Variants in CSMD3 observed in about 807,000 individuals in gnomAD.
CSMD3 encodes the protein CUB and Sushi multiple domains 3, also known as CUB and sushi domain-containing protein 3.
In CSMD3, 177 loss-of-function variants were observed where a neutral mutation model predicts 435.2. That is an observed-to-expected ratio of 0.41 (90% CI 0.36 to 0.46). The LOEUF (loss-of-function observed/expected upper bound fraction) is 0.46. Among genes scored for constraint, CSMD3 ranks in the 20% least tolerant of loss-of-function variants. The pLI is 0.34. For missense variants in CSMD3, 4,265 were observed against 4,504.6 expected (o/e 0.95, Z 1.52); for synonymous variants, 1,656 against 1,520.5 (o/e 1.09, Z -2.07).
chr8:113,330,346 T>C (rs983685025), intron 1 of CSMD3, among the ~76,000 whole-genome samples: 1 of 151,406 alleles, frequency 6.6e-6, no homozygotes, highest in African/African-American at 2.4e-5. Flanking sequence ...GGAATTAAAA[T>C]TGTACACTAG....
intron 24 of CSMD3, among the ~76,000 whole-genome samples, chr8:112,562,071 T>C (rs1563705922): frequency 6.6e-6 from 1 of 151,736 alleles, no homozygotes; most frequent in Non-Finnish European, 1.5e-5. Flanking sequence ...TTATAGGGCA[T>C]GCACTATTTA....
rs2094710443 is a variant in CSMD3, at chr8:113,436,921, C to T, written c.-67G>A. ...AGTGGAGTTGTTGCTGTTGTTGGTG[C>T]GCGGTCACAGCTCGGAGTGAATGGT... On this transcript the variant is annotated 5_prime_UTR_variant, in exon 1 of 71. Transcript: ENST00000297405. The T allele has an allele frequency of 1.3e-6, 2 of 1,565,756 alleles. No homozygotes were observed. Among genetic ancestry groups the T allele is most frequent in the Non-Finnish European group, 1.8e-6 (2 of 1,138,856 alleles).
chr8:112,398,907 A>G (rs889372881), intron 35 of CSMD3, among the ~76,000 whole-genome samples: 5 of 150,350 alleles, frequency 3.3e-5, no homozygotes, highest in Non-Finnish European at 7.4e-5. Flanking sequence ...ATCAAACGTT[A>G]CTTGATTAAA....
chr8:112,815,311 T>C (rs1048443008), intron 12 of CSMD3, among the ~76,000 whole-genome samples: 4 of 152,164 alleles, frequency 2.6e-5, no homozygotes. Context: ...TTTTAATTTA[T>C]TGGCTAATTC....
intron 22 of CSMD3, among the ~76,000 whole-genome samples, chr8:112,631,197 A>G (rs1222596293): frequency 2.0e-5 from 3 of 152,264 alleles, no homozygotes; most frequent in Non-Finnish European, 2.9e-5. Flanking sequence ...AAGGGCCAGC[A>G]AACTATGGCT....
intron 22 of CSMD3, among the ~76,000 whole-genome samples, chr8:112,592,991 G>A (rs1321349469): frequency 6.6e-6 from 1 of 152,146 alleles, no homozygotes; most frequent in East Asian, 1.9e-4. Context: ...ATTACATTAA[G>A]GCAGACTTCA....
At chr8:112,477,744 C>T (rs933011996) in intron 31 of CSMD3, among the ~76,000 whole-genome samples, 6 of 152,266 alleles carry the variant, frequency 3.9e-5, no homozygotes, top group Admixed American at 2.0e-4. Flanking sequence ...TCCTGAAAAT[C>T]CACGAGCCAA....
At chr8:112,648,276 GA>G (rs1259100498) in intron 19 of CSMD3, among the ~76,000 whole-genome samples, 2 of 152,200 alleles carry the variant, frequency 1.3e-5, no homozygotes, top group African/African-American at 4.8e-5. Context: ...CGAGTCAACA[GA>G]AAAAAATTAT....
chr8:112,955,094 A>G (rs2083966863), intron 7 of CSMD3, among the ~76,000 whole-genome samples: 1 of 151,696 alleles, frequency 6.6e-6, no homozygotes, highest in African/African-American at 2.4e-5. Flanking sequence ...CTTTTACGGA[A>G]TAAATTAAAC....
chr8:112,740,235 G>C (rs898172178), intron 13 of CSMD3, among the ~76,000 whole-genome samples: 10 of 151,660 alleles, frequency 6.6e-5, no homozygotes, highest in Admixed American at 6.6e-4. Context: ...ATACTGCCAA[G>C]TCTATTTCTA....
chr8:112,408,782 G>T, intron 33 of CSMD3, 137 bp downstream of exon 33: 8 of 1,217,430 alleles, frequency 6.6e-6, no homozygotes, highest in Non-Finnish European at 8.9e-6. Flanking sequence ...CTATTCTTTA[G>T]AAAAAAAAAA....
rs115014432 is a variant in CSMD3, at chr8:112,336,541, A to G, written c.7019+111T>C. ...CTGTCACCCTCAGTTACTCACATCA[A>G]TTCAAATATCAGATGACAATTTGTA... On this transcript the variant is annotated intron_variant, in intron 44 of 70. Coordinates refer to ENST00000297405, the MANE Select transcript of CSMD3 (RefSeq NM_198123.2). 3.2e-3 allele frequency: 2,802 copies of G among 870,528 alleles called. 51 individuals carry two copies. In the African/African-American group the frequency reaches 0.04, roughly 12 times the overall value. 53.9% of individuals were successfully genotyped at this position (870,528 alleles called of 1,614,324 possible).
chr8:112,740,610 G>A (rs1036910469), intron 13 of CSMD3, among the ~76,000 whole-genome samples: 3 of 151,862 alleles, frequency 2.0e-5, no homozygotes, highest in African/African-American at 4.8e-5. Context: ...TCATACTTCC[G>A]CAAAGGAAGT....
At chr8:112,580,368 G>C (rs149152419) in intron 23 of CSMD3, among the ~76,000 whole-genome samples, 1 of 151,956 alleles carries the variant, frequency 6.6e-6, no homozygotes, top group Non-Finnish European at 1.5e-5. Context: ...GTTAAGCGGA[G>C]AACAAATTAG....
intron 3 of CSMD3, among the ~76,000 whole-genome samples, chr8:113,247,910 AAATGACTGGAGT>A (rs1213456343): frequency 2.2e-4 from 33 of 152,138 alleles, no homozygotes; most frequent in African/African-American, 8.0e-4. Context: ...CTACACTTGC[AAATGACTGGAGT>A]TTTCGTGAGC....
At chr8:112,377,035 G>T (rs1350916623) in intron 38 of CSMD3, among the ~76,000 whole-genome samples, 2 of 152,006 alleles carry the variant, frequency 1.3e-5, no homozygotes, top group African/African-American at 4.8e-5. Flanking sequence ...TTTTTATGAT[G>T]AAAAGTTTTG....
chr8:112,691,142 A>G (rs1160835182), intron 13 of CSMD3, among the ~76,000 whole-genome samples: 1 of 152,092 alleles, frequency 6.6e-6, no homozygotes, highest in Non-Finnish European at 1.5e-5. Context: ...TACTGTCAAT[A>G]TTATTTTCTT....
intron 27 of CSMD3, 89 bp from the exon 28 acceptor site, chr8:112,517,314 A>T: frequency 1.1e-6 from 1 of 910,928 alleles, no homozygotes; most frequent in Non-Finnish European, 1.7e-6. Context: ...TAATTTTTAA[A>T]ATTTTGGGGT....
intron 55 of CSMD3, 107 bp from the exon 56 acceptor site, chr8:112,291,802 A>T (rs73326607): frequency 0.037 from 26,889 of 722,184 alleles, 891 homozygotes; most frequent in East Asian, 0.13. Context: ...AAATTTATTC[A>T]AACAACCAGA....
Sources: allele counts gnomAD v4.1 joint callset (sites outside exome capture counted in the v4.1 genomes callset), GRCh38; gene constraint gnomAD v4.1.1; transcripts MANE v1.5; gene names NCBI Gene and HGNC (gene_info 2026-07-23, HGNC 2026-07-21).